Variants in KAZN observed in about 807,000 individuals in gnomAD.
The protein encoded by KAZN is kazrin.
A neutral mutation model predicts 87.4 loss-of-function variants in KAZN; 40 were observed. The observed-to-expected ratio is 0.46, with a 90% CI of 0.36 to 0.60. The LOEUF (loss-of-function observed/expected upper bound fraction) is 0.60, where lower values mean the gene tolerates loss of function less well. KAZN is among the 20% of genes least tolerant of loss of function. The pLI, the probability that KAZN is intolerant of heterozygous loss-of-function variation, is 0.00. For synonymous variants in KAZN, 466 were observed against 458.3 expected (o/e 1.02, Z -0.22); for missense variants, 898 against 1,073.9 (o/e 0.84, Z 2.29).
Position 14,311,849 on chromosome 1 carries a change from A to T in KAZN, c.249+131257A>T, listed in dbSNP as rs146445508. Among the ~76,000 whole-genome samples, 24 of 152,256 alleles carry T rather than the reference A, an allele frequency of 1.6e-4. No homozygotes were observed. In the East Asian group the frequency reaches 4.4e-3, roughly 28 times the overall value. On this transcript the variant is annotated intron_variant, in intron 2 of 16. Coordinates refer to the KAZN transcript ENST00000636203. ...GCAAATGTATGGAGGTGGGGACCAG[A>T]TGAGGCATGACCATGTGGCTAATAA...
At chr1:14,652,652 TCCAC>T (rs201001194) in intron 1 of KAZN, among the ~76,000 whole-genome samples, 17 of 34,612 alleles carry the variant, frequency 4.9e-4, no homozygotes, top group African/African-American at 1.8e-3. Context: ...CATCCACCCA[TCCAC>T]CCACCCACCC....
rs145478164 is a variant in KAZN, at chr1:14,730,777, G to C, written c.226+131554G>C. Among the ~76,000 whole-genome samples, 41 of 152,278 alleles carry C rather than the reference G, an allele frequency of 2.7e-4. No homozygotes were observed. The East Asian group carries it at 5.0e-3, about 19-fold the overall frequency. ...GCCCAGAGAGAATGATGCTTTCTCAGACCCTCAGGAACATTCCTTCCTGAT... is the reference window on the plus strand; with the variant it reads ...GCCCAGAGAGAATGATGCTTTCTCACACCCTCAGGAACATTCCTTCCTGAT... On this transcript the variant is annotated intron_variant, in intron 1 of 14. Transcript: ENST00000376030.
chr1:14,678,239 A>T (rs1335237019), intron 1 of KAZN, among the ~76,000 whole-genome samples: 1 of 152,174 alleles, frequency 6.6e-6, no homozygotes, highest in East Asian at 1.9e-4. Flanking sequence ...GCGCGACTAG[A>T]AAAAGCAGGC....
At chr1:14,344,759 C>A in intron 2 of KAZN, among the ~76,000 whole-genome samples, 1 of 152,024 alleles carries the variant, frequency 6.6e-6, no homozygotes, top group East Asian at 1.9e-4. Flanking sequence ...CAGGGAAAGA[C>A]AAATTGTCAA....
chr1:14,495,755 T>G (rs1669906865), intron 2 of KAZN, among the ~76,000 whole-genome samples: 1 of 152,124 alleles, frequency 6.6e-6, no homozygotes, highest in East Asian at 1.9e-4. Context: ...CACCATTGAC[T>G]TGGTTAGGAA....
chr1:14,031,981 C>G (rs1641348282), intron 1 of KAZN, among the ~76,000 whole-genome samples: 1 of 152,172 alleles, frequency 6.6e-6, no homozygotes, highest in African/African-American at 2.4e-5. Flanking sequence ...AATAATTCCC[C>G]AAATTGGTAA....
intron 1 of KAZN, among the ~76,000 whole-genome samples, chr1:13,963,580 A>G (rs1459710888): frequency 6.6e-6 from 1 of 152,216 alleles, no homozygotes; most frequent in Non-Finnish European, 1.5e-5. Context: ...GAATGAGTCT[A>G]TCATCCAGGC....
chr1:14,495,114 C>T (rs12142754), intron 2 of KAZN, among the ~76,000 whole-genome samples: 27,582 of 152,182 alleles, frequency 0.18, 2,917 homozygotes, highest in Non-Finnish European at 0.25. Context: ...CATTATGAGT[C>T]TCCCAGAACG....
intron 2 of KAZN, among the ~76,000 whole-genome samples, chr1:14,413,139 C>T (rs370427042): frequency 1.3e-5 from 2 of 149,428 alleles, no homozygotes. Context: ...AGATTAGATA[C>T]CTACTAGATA....
intron 1 of KAZN, among the ~76,000 whole-genome samples, chr1:14,084,576 C>A (rs948325247): frequency 1.3e-5 from 2 of 151,990 alleles, no homozygotes; most frequent in African/African-American, 4.8e-5. Flanking sequence ...TATCATTAAG[C>A]AAGTTCAAGG....
chr1:14,713,572 C>T (rs895203658), intron 1 of KAZN, among the ~76,000 whole-genome samples: 4 of 151,932 alleles, frequency 2.6e-5, no homozygotes, highest in African/African-American at 9.7e-5. Context: ...GTAGAGGCCA[C>T]GGTTGCTGCT....
chr1:14,860,023 A>G (rs1203770202), intron 1 of KAZN, among the ~76,000 whole-genome samples: 2 of 152,116 alleles, frequency 1.3e-5, no homozygotes, highest in Non-Finnish European at 2.9e-5. Context: ...TTTGAACAAG[A>G]GCAGGAAGGA....
chr1:14,682,157 C>A (rs1456361229), intron 1 of KAZN, among the ~76,000 whole-genome samples: 8 of 152,230 alleles, frequency 5.3e-5, no homozygotes, highest in African/African-American at 1.9e-4. Flanking sequence ...TGGCATCCAC[C>A]ATTCTACTCC....
chr1:14,863,242 G>A (rs545766279), intron 1 of KAZN, among the ~76,000 whole-genome samples: 9 of 152,172 alleles, frequency 5.9e-5, no homozygotes, highest in Non-Finnish European at 1.0e-4. Context: ...GGCATCCCCC[G>A]GGAATGTACA....
chr1:14,104,908 C>T (rs1644334631), intron 1 of KAZN, among the ~76,000 whole-genome samples: 1 of 151,992 alleles, frequency 6.6e-6, no homozygotes, highest in South Asian at 2.1e-4. Flanking sequence ...ATTTTTTTCC[C>T]AGAAATTGTA....
At chr1:14,999,506 C>A (rs1383974670) in intron 2 of KAZN, among the ~76,000 whole-genome samples, 1 of 138,212 alleles carries the variant, frequency 7.2e-6, no homozygotes, top group Admixed American at 6.8e-5. Context: ...CCCCCTCCCC[C>A]CGCCCCGCCA....
At chr1:14,706,767 C>G (rs1475468140) in intron 1 of KAZN, among the ~76,000 whole-genome samples, 1 of 152,154 alleles carries the variant, frequency 6.6e-6, no homozygotes, top group African/African-American at 2.4e-5. Context: ...TTTTAGTAAG[C>G]ACTTTATCCT....
intron 2 of KAZN, among the ~76,000 whole-genome samples, chr1:14,365,353 C>T (rs1557665584): frequency 2.4e-5 from 2 of 84,930 alleles, no homozygotes; most frequent in Non-Finnish European, 5.0e-5. Flanking sequence ...CGGCGCCCAC[C>T]CCCTCCCCCC....
At chr1:14,159,949 T>A (rs1645674750) in intron 1 of KAZN, among the ~76,000 whole-genome samples, 1 of 152,172 alleles carries the variant, frequency 6.6e-6, no homozygotes, top group Admixed American at 6.5e-5. Context: ...GTACCTTATT[T>A]GCTGTGGCTG....
Sources: allele counts gnomAD v4.1 joint callset (sites outside exome capture counted in the v4.1 genomes callset), GRCh38; gene constraint gnomAD v4.1.1; transcripts MANE v1.5; gene names NCBI Gene and HGNC (gene_info 2026-07-23, HGNC 2026-07-21).